The following CASS4 variants were observed in gnomAD, a reference collection of about 807,000 sequenced individuals.
CASS4 encodes Cas scaffold protein family member 4.
Under a neutral mutation model 54.2 loss-of-function variants are expected in CASS4, and 22 were observed. The observed-to-expected ratio is 0.41, with a 90% CI of 0.29 to 0.58. The LOEUF (loss-of-function observed/expected upper bound fraction) is 0.58. Ranked by LOEUF, CASS4 falls within the 20% of genes least tolerant of loss-of-function variation. CASS4 has a pLI of 0.36. For missense variants in CASS4, 854 were observed against 986.7 expected (o/e 0.87, Z 1.80); for synonymous variants, 409 against 391.5 (o/e 1.04, Z -0.53).
At chr20:56,446,157 C>T (rs1035926359) in intron 3 of CASS4, among the ~76,000 whole-genome samples, 156 bp downstream of exon 3, 1 of 152,236 alleles carries the variant, frequency 6.6e-6, no homozygotes, top group Non-Finnish European at 1.5e-5. Context: ...ACTTCATAAC[C>T]TCCTTTTTAC....
Position 56,437,346 on chromosome 20 carries a change from G to A in CASS4, c.219G>A (p.Glu73=). The A allele has an allele frequency of 1.9e-6, 3 of 1,614,082 alleles. No individual in the cohort carries two copies. The highest frequency in any genetic ancestry group is 1.7e-6 in the Non-Finnish European group (2 of 1,179,978). ...CCAACCGCCTCCAAATCCTCACGGA[G>A]GTCGCTGCAGACAGGCCGTGCCCCC... ...APANRLQILT[E]VAADRPCPPF... is the part of the protein sequence containing the mutation. Residue 73 remains glutamate (E), a synonymous_variant, in exon 2 of 6, where the codon GAG becomes GAA. Coordinates refer to ENST00000679887, the MANE Select transcript of CASS4 (RefSeq NM_020356.4). The surrounding 1 kb of genome is among the most constrained non-coding windows in gnomAD (Gnocchi z 4.7).
rs1305094328 is a variant in CASS4 at position 56,453,172 on chromosome 20, G to A, written c.1953+43G>A. On this transcript the variant is annotated intron_variant, in intron 5 of 5. Transcript: ENST00000679887. ...AGTGATCGAAAAAGGGGCTTCAATT[G>A]TTACCTGGAGTAGTGGCTACTAAGA... is the stretch of plus-strand genomic sequence containing the variant. 7.1e-6 allele frequency: 10 copies of A among 1,413,480 alleles called. No individual in the cohort carries two copies. The African/African-American group carries it at 1.1e-4, about 16-fold the overall frequency. 87.6% of individuals were successfully genotyped at this position (1,413,480 alleles called of 1,614,324 possible). A position where few individuals can be genotyped will look rare whatever the true frequency, so the allele number is the denominator to read the frequency against.
chr20:56,437,504 C>G lies in CASS4; in HGVS notation c.377C>G (p.Pro126Arg). The G allele has an allele frequency of 6.2e-7, 1 of 1,603,940 alleles. No individual in the cohort carries two copies. Among genetic ancestry groups the G allele is most frequent in the Non-Finnish European group, 8.5e-7 (1 of 1,175,100 alleles). ...AGTTGGGCGGAGGGGCCCCAGCCCC[C>G]TACTGCCCAAGTCTATGAATTCCCC... is the stretch of plus-strand genomic sequence containing the variant. ...MRSWAEGPQP[P>R]TAQVYEFPDP... Residue 126 changes from proline to arginine, a missense_variant, in exon 2 of 6, where the codon CCT becomes CGT. By Grantham distance (103) the Pro-to-Arg change is moderately radical. Coordinates refer to ENST00000679887, the MANE Select transcript of CASS4 (RefSeq NM_020356.4). This position sits in a 1 kb window ranked among gnomAD's most constrained non-coding sequence, Gnocchi z 4.7.
At chr20:56,449,374 A>C (rs536787548) in intron 3 of CASS4, among the ~76,000 whole-genome samples, 181 of 151,456 alleles carry the variant, frequency 1.2e-3, no homozygotes, top group African/African-American at 4.2e-3. Flanking sequence ...AAACCAAACA[A>C]CGCATGTTCT....
At chr20:56,426,305 G>T (rs576374996) in intron 1 of CASS4, among the ~76,000 whole-genome samples, 18 of 152,260 alleles carry the variant, frequency 1.2e-4, no homozygotes, top group African/African-American at 3.6e-4. Flanking sequence ...GCTTCATAAG[G>T]TTTTTGAATA....
At chr20:56,441,028 A>G (rs1259158999) in intron 2 of CASS4, among the ~76,000 whole-genome samples, 1 of 144,746 alleles carries the variant, frequency 6.9e-6, no homozygotes, top group East Asian at 2.0e-4. Flanking sequence ...TCGCTCTGTC[A>G]CCCAGGCTGG....
intron 2 of CASS4, among the ~76,000 whole-genome samples, chr20:56,438,204 C>T (rs1002427374): frequency 6.6e-6 from 1 of 151,716 alleles, no homozygotes. Context: ...GCAGGAGGAT[C>T]GGTTGAGCCC....
rs373141403 is a variant in CASS4 at position 56,414,958 on chromosome 20, A to G, written c.36+2464A>G. Among the ~76,000 whole-genome samples the G allele has an allele frequency of 2.6e-5, 4 of 152,190 alleles. No individual in the cohort carries two copies. The highest frequency in any genetic ancestry group is 1.9e-4 in the East Asian group (1 of 5,180). ...TCTACTTGCATTTTCTCACTATTAC[A>G]TCCTCACAACATCCTCATGAAGCAG... On this transcript the variant is annotated intron_variant, in intron 1 of 5. Transcript: ENST00000679887. The surrounding 1 kb of genome is among the most constrained non-coding windows in gnomAD (Gnocchi z 4.1).
Position 56,414,225 on chromosome 20 carries a change from CTGT to C in CASS4, c.36+1739_36+1741del, listed in dbSNP as rs1275531841. Among the ~76,000 whole-genome samples, 1 of 152,110 alleles carries C rather than the reference CTGT, an allele frequency of 6.6e-6. No homozygotes were observed. Among genetic ancestry groups the C allele is most frequent in the African/African-American group, 2.4e-5 (1 of 41,412 alleles). ...AAATTATCCTTTTTAGCTTTTCTGG[CTGT>C]TGTTGTTTGTGTGTGTGTTTGTCTT... On this transcript the variant is annotated intron_variant, in intron 1 of 5. Coordinates refer to ENST00000679887, the MANE Select transcript of CASS4 (RefSeq NM_020356.4). The surrounding 1 kb of genome is among the most constrained non-coding windows in gnomAD (Gnocchi z 4.1).
Position 56,459,522 on chromosome 20 carries a change from C to A in CASS4, c.*775C>A, listed in dbSNP as rs765604840. ...CATCTGAATCCACTGGGGAGTGGGGCGATTTTGTTTTAATTTCTCGGTCAG... is the reference window on the plus strand; with the variant it reads ...CATCTGAATCCACTGGGGAGTGGGGAGATTTTGTTTTAATTTCTCGGTCAG... On this transcript the variant is annotated 3_prime_UTR_variant, in exon 6 of 6. Coordinates refer to ENST00000679887, the MANE Select transcript of CASS4 (RefSeq NM_020356.4). The A allele has an allele frequency of 2.5e-5, 6 of 243,266 alleles. No homozygotes were observed. The highest frequency in any genetic ancestry group is 5.4e-5 in the Non-Finnish European group (6 of 110,652). The allele number at this position is 243,266 out of a possible 1,614,324, so 15.1% of individuals were successfully genotyped here. A position where few individuals can be genotyped will look rare whatever the true frequency, so the allele number is the denominator to read the frequency against.
chr20:56,424,675 A>T (rs1004979631), intron 1 of CASS4, among the ~76,000 whole-genome samples: 2 of 140,164 alleles, frequency 1.4e-5, no homozygotes, highest in African/African-American at 5.4e-5. Context: ...CAGGTGGCAG[A>T]GGTTGCAGTG....
At chr20:56,419,325 G>A (rs562682550) in intron 1 of CASS4, among the ~76,000 whole-genome samples, 149 of 152,290 alleles carry the variant, frequency 9.8e-4, no homozygotes, top group South Asian at 2.7e-3. Flanking sequence ...TTGTTCAGGG[G>A]AAGAGCAGCC....
At position 56,449,146 on chromosome 20, in the gene CASS4, A is replaced by G. The variant is rs142089678; in HGVS notation, c.562-1453A>G. Among the ~76,000 whole-genome samples, 1,455 of 152,362 alleles carry G rather than the reference A, an allele frequency of 9.5e-3. 70 individuals are homozygous for G. Among genetic ancestry groups the G allele is most frequent in the Admixed American group, 0.069 (1,060 of 15,294 alleles). ...AGGATTATAAATCATGCTGCTATAAAGATACATGCACACGTATGTTTATTG... is the reference window on the plus strand; with the variant it reads ...AGGATTATAAATCATGCTGCTATAAGGATACATGCACACGTATGTTTATTG... On this transcript the variant is annotated intron_variant, in intron 3 of 5. Coordinates refer to ENST00000679887, the MANE Select transcript of CASS4 (RefSeq NM_020356.4).
chr20:56,422,023 T>C (rs1979437311), intron 1 of CASS4, among the ~76,000 whole-genome samples: 2 of 152,214 alleles, frequency 1.3e-5, no homozygotes, highest in Non-Finnish European at 2.9e-5. Context: ...GCTATCTCAC[T>C]TTCAGGTGAA....
At chr20:56,434,415 C>T (rs561036822) in intron 1 of CASS4, among the ~76,000 whole-genome samples, 3 of 151,998 alleles carry the variant, frequency 2.0e-5, no homozygotes, top group East Asian at 1.9e-4. Flanking sequence ...TTTATTGACA[C>T]GGAAAGATGC....
At chr20:56,441,022 T>A (rs1165738103) in intron 2 of CASS4, among the ~76,000 whole-genome samples, 1 of 147,300 alleles carries the variant, frequency 6.8e-6, no homozygotes, top group East Asian at 2.0e-4. Flanking sequence ...AGAATCTCGC[T>A]CTGTCACCCA....
intron 5 of CASS4, among the ~76,000 whole-genome samples, chr20:56,456,094 C>T (rs1195890328): frequency 1.3e-5 from 2 of 151,472 alleles, no homozygotes; most frequent in South Asian, 2.1e-4. Context: ...GGAAAGCCCC[C>T]GCTTTAGACT....
At chr20:56,427,978 C>T (rs1979722845) in intron 1 of CASS4, among the ~76,000 whole-genome samples, 1 of 152,162 alleles carries the variant, frequency 6.6e-6, no homozygotes, top group Admixed American at 6.6e-5. Context: ...AGAGCAGGGG[C>T]CTAGACATCA....
At chr20:56,446,651 G>A (rs955793935) in intron 3 of CASS4, among the ~76,000 whole-genome samples, 5 of 151,914 alleles carry the variant, frequency 3.3e-5, no homozygotes, top group African/African-American at 1.2e-4. Context: ...AATGCTCTGC[G>A]GTGGCGTTCT....
Sources: gnomAD v4.1 joint callset for allele counts (sites outside exome capture counted in the v4.1 genomes callset) on GRCh38, gnomAD v4.1.1 for gene constraint, Gnocchi (gnomAD v3.1) non-coding constraint, MANE v1.5 for transcripts, NCBI Gene and HGNC (gene_info 2026-07-23, HGNC 2026-07-21) for gene names.